The following ZFHX3 variants were observed in gnomAD, a reference collection of about 807,000 sequenced individuals.
The protein encoded by ZFHX3 is zinc finger homeobox protein 3.
A neutral mutation model predicts 279.1 loss-of-function variants in ZFHX3; 42 were observed. That is an observed-to-expected ratio of 0.15 (90% confidence interval 0.12 to 0.19). The LOEUF is 0.19. ZFHX3 is among the 10% of genes least tolerant of loss of function. The pLI is 1.00. For synonymous variants in ZFHX3, 2,293 were observed against 1,957.8 expected, an observed-to-expected ratio of 1.17 and a Z score of -4.52; for missense variants, 4,981 against 4,754.0, an observed-to-expected ratio of 1.05 and a Z score of -1.40.
chr16:73,582,805 T>A (rs2051875454), intron 2 of ZFHX3, among the ~76,000 whole-genome samples: 1 of 151,808 alleles, frequency 6.6e-6, no homozygotes, highest in African/African-American at 2.4e-5. Flanking sequence ...AGACTTCCCA[T>A]CTGAACCCAA....
intron 8 of ZFHX3, among the ~76,000 whole-genome samples, chr16:73,084,906 CA>C (rs1430039244): frequency 1.3e-5 from 2 of 152,018 alleles, no homozygotes; most frequent in Admixed American, 6.6e-5. Flanking sequence ...AAGGAGGACA[CA>C]AAAAGATCAA....
chr16:73,607,061 G>A (rs974390909), intron 2 of ZFHX3, among the ~76,000 whole-genome samples: 2 of 152,062 alleles, frequency 1.3e-5, no homozygotes, highest in African/African-American at 2.4e-5. Flanking sequence ...ATAGAATTTT[G>A]ATCGTTGCCC....
At chr16:73,366,408 CCTAAGTGGAAAA>C in intron 3 of ZFHX3, among the ~76,000 whole-genome samples, 1 of 151,482 alleles carries the variant, frequency 6.6e-6, no homozygotes, top group Non-Finnish European at 1.5e-5. Flanking sequence ...TATTTTGATT[CCTAAGTGGAAAA>C]AAACAAATAG....
At chr16:73,550,933 G>C (rs189777304) in intron 2 of ZFHX3, among the ~76,000 whole-genome samples, 2 of 152,220 alleles carry the variant, frequency 1.3e-5, no homozygotes, top group Non-Finnish European at 2.9e-5. Flanking sequence ...CCATTGATGG[G>C]AGCATTAGCC....
chr16:73,115,552 G>A (rs1304648605), intron 7 of ZFHX3, among the ~76,000 whole-genome samples: 1 of 151,896 alleles, frequency 6.6e-6, no homozygotes, highest in African/African-American at 2.4e-5. Context: ...CCTCTCTGAA[G>A]AGTCCAATGT....
chr16:73,108,896 T>C (rs1032281907), intron 7 of ZFHX3, among the ~76,000 whole-genome samples: 2 of 152,274 alleles, frequency 1.3e-5, no homozygotes, highest in African/African-American at 4.8e-5. Flanking sequence ...GGAGGGGCTC[T>C]GGCCGTTATG....
At chr16:73,401,418 C>A (rs1216143143) in intron 3 of ZFHX3, 3 of 70,056 alleles carry the variant, frequency 4.3e-5, no homozygotes, top group African/African-American at 1.5e-4. Flanking sequence ...CTCAAAAGCC[C>A]AGAGGACTGT....
intron 2 of ZFHX3, among the ~76,000 whole-genome samples, chr16:73,471,391 T>C (rs1270348729): frequency 6.6e-6 from 1 of 152,186 alleles, no homozygotes; most frequent in East Asian, 1.9e-4. Flanking sequence ...CCAATCTAGT[T>C]TGTGAATCTC....
chr16:73,795,790 G>T (rs1241865192), intron 1 of ZFHX3, among the ~76,000 whole-genome samples: 1 of 152,182 alleles, frequency 6.6e-6, no homozygotes, highest in Non-Finnish European at 1.5e-5. Flanking sequence ...TGAGTTAAGA[G>T]GTCCCTCTGG....
intron 3 of ZFHX3, among the ~76,000 whole-genome samples, chr16:72,909,456 A>C (rs2039264040): frequency 6.6e-6 from 1 of 152,210 alleles, no homozygotes. Flanking sequence ...TAACAAATTT[A>C]TACAATCATT....
intron 4 of ZFHX3, among the ~76,000 whole-genome samples, chr16:72,885,672 G>A (rs2038605767): frequency 6.6e-6 from 1 of 152,234 alleles, no homozygotes; most frequent in South Asian, 2.1e-4. Flanking sequence ...TGAGACTGGG[G>A]ATGAGGTCCA....
chr16:73,775,950 T>C (rs923191201), intron 1 of ZFHX3, among the ~76,000 whole-genome samples: 2 of 152,088 alleles, frequency 1.3e-5, no homozygotes, highest in African/African-American at 4.8e-5. Context: ...GTGTGGAAAA[T>C]ATACTAGGCT....
intron 2 of ZFHX3, among the ~76,000 whole-genome samples, chr16:73,544,820 G>A (rs1245869540): frequency 6.6e-6 from 1 of 152,094 alleles, no homozygotes; most frequent in African/African-American, 2.4e-5. Flanking sequence ...GGGTTCCCCG[G>A]CCGTGGACAT....
chr16:73,780,181 C>T (rs1352630506), intron 1 of ZFHX3, among the ~76,000 whole-genome samples: 4 of 117,860 alleles, frequency 3.4e-5, no homozygotes, highest in African/African-American at 1.4e-4. Flanking sequence ...TTGCTCTATC[C>T]CCCAAGCTGG....
upstream of ZFHX3, among the ~76,000 whole-genome samples, chr16:73,052,308 T>G (rs1597137472): frequency 6.6e-6 from 1 of 151,028 alleles, no homozygotes; most frequent in African/African-American, 2.4e-5. Flanking sequence ...AAATGCTATA[T>G]CGAAAGTACA....
intron 1 of ZFHX3, among the ~76,000 whole-genome samples, chr16:72,962,410 T>G (rs143111704): frequency 1.4e-4 from 21 of 152,354 alleles, no homozygotes; most frequent in Non-Finnish European, 1.6e-4. Context: ...CAGGAAAGAA[T>G]GACACTGTAC....
intron 1 of ZFHX3, chr16:73,809,297 C>G (rs545878181): frequency 6.6e-6 from 1 of 152,208 alleles, no homozygotes; most frequent in Non-Finnish European, 1.5e-5. Context: ...ATGCAGCATA[C>G]GGTGACACTG....
At chr16:73,063,311 A>G (rs528197759), upstream of ZFHX3, among the ~76,000 whole-genome samples, 43 of 152,308 alleles carry the variant, frequency 2.8e-4, no homozygotes, top group Admixed American at 4.6e-4. Context: ...TGCCTCTGGA[A>G]ATGGCAGAAG....
intron 3 of ZFHX3, among the ~76,000 whole-genome samples, chr16:73,426,807 T>C (rs1054505476): frequency 1.3e-5 from 2 of 152,238 alleles, no homozygotes; most frequent in Non-Finnish European, 2.9e-5. Context: ...AAGATTCTTT[T>C]TGCATCCTCA....
Sources: allele counts gnomAD v4.1 joint callset (sites outside exome capture counted in the v4.1 genomes callset), GRCh38; gene constraint gnomAD v4.1.1; transcripts MANE v1.5; gene names NCBI Gene and HGNC (gene_info 2026-07-23, HGNC 2026-07-21).